PCNX2: variants seen among roughly 807,000 people sequenced by gnomAD.
PCNX2 encodes pecanex-like protein 2.
PCNX2 carries 168 observed loss-of-function variants against 223.8 expected under a neutral mutation model. The ratio of observed to expected loss-of-function variants is 0.75; its 90% CI spans 0.66 to 0.85. PCNX2 has a LOEUF of 0.85. Ranked by LOEUF, PCNX2 falls within the 40% of genes least tolerant of loss-of-function variation. PCNX2 has a pLI of 0.00. For synonymous variants in PCNX2, 1,006 were observed against 1,052.6 expected, an observed-to-expected ratio of 0.96 and a Z score of 0.86; for missense variants, 2,507 against 2,675.5, an observed-to-expected ratio of 0.94 and a Z score of 1.39.
intron 21 of PCNX2, among the ~76,000 whole-genome samples, chr1:233,129,751 A>G (rs1676346002): frequency 6.6e-6 from 1 of 152,178 alleles, no homozygotes; most frequent in South Asian, 2.1e-4. Context: ...GGGATTGTAA[A>G]CACACCAATC....
intron 15 of PCNX2, among the ~76,000 whole-genome samples, chr1:233,190,084 T>G (rs1209047905): frequency 6.6e-6 from 1 of 151,982 alleles, no homozygotes; most frequent in Non-Finnish European, 1.5e-5. Flanking sequence ...GTGATAATAA[T>G]AAAAATTAAG....
intron 25 of PCNX2, among the ~76,000 whole-genome samples, chr1:233,027,735 C>T (rs1458551013): frequency 6.6e-6 from 1 of 152,142 alleles, no homozygotes; most frequent in Non-Finnish European, 1.5e-5. Flanking sequence ...CTCTCTTCCT[C>T]CTCCTGCTTC....
At chr1:233,102,952 C>T (rs933557564) in intron 21 of PCNX2, among the ~76,000 whole-genome samples, 1 of 147,070 alleles carries the variant, frequency 6.8e-6, no homozygotes, top group Non-Finnish European at 1.5e-5. Context: ...GTCCAAGGTC[C>T]TGAAGCATTT....
At chr1:233,309,571 A>T in the PCNX2 span, among the ~76,000 whole-genome samples, 26 of 151,228 alleles carry the variant, frequency 1.7e-4, no homozygotes, top group East Asian at 1.2e-3. Context: ...TAATAAAATT[A>T]AAAAATATAT....
chr1:233,314,221 C>T, the PCNX2 span, among the ~76,000 whole-genome samples: 1 of 151,982 alleles, frequency 6.6e-6, no homozygotes, highest in Non-Finnish European at 1.5e-5. Flanking sequence ...TTATATGATA[C>T]ATATATATTT....
intron 15 of PCNX2, among the ~76,000 whole-genome samples, chr1:233,190,126 A>G (rs1680336156): frequency 6.6e-6 from 1 of 152,214 alleles, no homozygotes; most frequent in Admixed American, 6.5e-5. Context: ...ACCCATATGG[A>G]AAACTGTATT....
intron 17 of PCNX2, among the ~76,000 whole-genome samples, chr1:233,170,267 C>A (rs532056107): frequency 2.0e-5 from 3 of 152,270 alleles, no homozygotes; most frequent in South Asian, 4.1e-4. Context: ...CTCCCACCAG[C>A]AATACATGAG....
intron 26 of PCNX2, among the ~76,000 whole-genome samples, chr1:233,023,220 G>A (rs1323705623): frequency 2.0e-5 from 3 of 152,184 alleles, no homozygotes; most frequent in African/African-American, 7.2e-5. Context: ...CACTCTCCTT[G>A]TTGAGGGAGA....
intron 21 of PCNX2, among the ~76,000 whole-genome samples, chr1:233,102,026 T>C (rs112254769): frequency 1.2e-4 from 18 of 150,480 alleles, no homozygotes; most frequent in Admixed American, 3.3e-4. Flanking sequence ...GAAACTAACA[T>C]AAAAAGTAGT....
intron 32 of PCNX2, among the ~76,000 whole-genome samples, chr1:232,989,396 G>A (rs1287920351): frequency 6.6e-6 from 1 of 152,070 alleles, no homozygotes; most frequent in Non-Finnish European, 1.5e-5. Flanking sequence ...GGAGCTTGCA[G>A]TGAGCCGAGA....
At chr1:233,191,892 G>A (rs772296569) in intron 15 of PCNX2, among the ~76,000 whole-genome samples, 1 of 152,206 alleles carries the variant, frequency 6.6e-6, no homozygotes, top group Non-Finnish European at 1.5e-5. Context: ...GTAGAAGTTA[G>A]AGCCAAGAGG....
chr1:233,295,609 C>G lies in PCNX2; in HGVS notation c.-131G>C. 9.9e-7 allele frequency: 1 copy of G among 1,007,480 alleles called. No individual in the cohort carries two copies. The highest frequency in any genetic ancestry group is 1.3e-6 in the Non-Finnish European group (1 of 774,086). The allele number at this position is 1,007,480 out of a possible 1,614,324, so 62.4% of individuals were successfully genotyped here. A position where few individuals can be genotyped will look rare whatever the true frequency, so the allele number is the denominator to read the frequency against. ...CCGCCGTCGCCGCCGCCGTCGCCCC[C>G]GCCGCCTCCTTCCACCCCACGTTTG... On this transcript the variant is annotated 5_prime_UTR_variant, in exon 1 of 34. Coordinates refer to ENST00000258229, the MANE Select transcript of PCNX2 (RefSeq NM_014801.4). The surrounding 1 kb of genome is among the most constrained non-coding windows in gnomAD (Gnocchi z 4.1).
intron 1 of PCNX2, among the ~76,000 whole-genome samples, chr1:233,268,951 A>C (rs984435790): frequency 6.6e-6 from 1 of 152,162 alleles, no homozygotes; most frequent in Non-Finnish European, 1.5e-5. Flanking sequence ...CAAGGCCTCC[A>C]GTGTCAGGCC....
chr1:233,129,200 C>A (rs542053189), intron 21 of PCNX2, among the ~76,000 whole-genome samples: 2 of 152,206 alleles, frequency 1.3e-5, no homozygotes, highest in East Asian at 1.9e-4. Flanking sequence ...GTGGGCTTGG[C>A]GGGCCCCGCA....
At chr1:233,117,426 T>C (rs567362014) in intron 21 of PCNX2, among the ~76,000 whole-genome samples, 4 of 150,188 alleles carry the variant, frequency 2.7e-5, no homozygotes, top group African/African-American at 7.4e-5. Context: ...GGTCAGGAGA[T>C]CTAGACCATC....
chr1:233,153,951 T>C (rs999428591), intron 19 of PCNX2, among the ~76,000 whole-genome samples: 1 of 152,214 alleles, frequency 6.6e-6, no homozygotes, highest in African/African-American at 2.4e-5. Context: ...GAGACAAGAT[T>C]TGCTAAAATG....
chr1:232,999,088 T>C lies in PCNX2; in HGVS notation c.5603+17A>G. The C allele has an allele frequency of 6.3e-7, 1 of 1,587,054 alleles. No individual in the cohort carries two copies. Among genetic ancestry groups the C allele is most frequent in the Middle Eastern group, 1.7e-4 (1 of 5,926 alleles). On this transcript the variant is annotated intron_variant, in intron 31 of 33. Transcript: ENST00000258229. ...TCCCCCAGCATCTGGACAGAGGCAT[T>C]TGTTGTAAAAACTTACCTTACCCAC...
intron 25 of PCNX2, among the ~76,000 whole-genome samples, chr1:233,040,553 G>A (rs778010386): frequency 1.3e-5 from 2 of 152,052 alleles, no homozygotes; most frequent in South Asian, 2.1e-4. Flanking sequence ...AAACAGCCTC[G>A]TGTTTCTCAT....
intron 23 of PCNX2, among the ~76,000 whole-genome samples, chr1:233,081,840 T>C (rs1297201817): frequency 3.9e-5 from 6 of 152,204 alleles, no homozygotes; most frequent in Non-Finnish European, 7.3e-5. Flanking sequence ...CAGGCCTCTC[T>C]GACCTGTCCT....
Sources: allele counts gnomAD v4.1 joint callset (sites outside exome capture counted in the v4.1 genomes callset), GRCh38; gene constraint gnomAD v4.1.1; non-coding constraint Gnocchi (gnomAD v3.1); transcripts MANE v1.5; gene names NCBI Gene and HGNC (gene_info 2026-07-23, HGNC 2026-07-21).